Variants in SOHLH2 observed in about 807,000 individuals in gnomAD.
The protein encoded by SOHLH2 is spermatogenesis- and oogenesis-specific basic helix-loop-helix-containing protein 2.
SOHLH2 carries 22 observed loss-of-function variants against 50.4 expected under a neutral mutation model. That is an observed-to-expected ratio of 0.44 (90% confidence interval 0.31 to 0.62). SOHLH2 has a LOEUF of 0.62. SOHLH2 is among the 20% of genes least tolerant of loss of function. The pLI is 0.08. For synonymous variants in SOHLH2, 185 were observed against 187.3 expected (o/e 0.99, Z 0.10); for missense variants, 412 against 504.4 (o/e 0.82, Z 1.76).
intron 1 of SOHLH2, among the ~76,000 whole-genome samples, chr13:36,209,896 T>C (rs1869005598): frequency 6.6e-6 from 1 of 152,120 alleles, no homozygotes; most frequent in Non-Finnish European, 1.5e-5. Context: ...CAACTGACTA[T>C]GGGTTTGGTG....
intron 2 of SOHLH2, among the ~76,000 whole-genome samples, chr13:36,199,349 C>A (rs1887829825): frequency 6.6e-6 from 1 of 152,114 alleles, no homozygotes; most frequent in Admixed American, 6.5e-5. Flanking sequence ...ACGACTCTGT[C>A]CCCTTGCAGA....
At chr13:36,197,488 C>G (rs1377286918) in intron 2 of SOHLH2, among the ~76,000 whole-genome samples, 3 of 152,146 alleles carry the variant, frequency 2.0e-5, no homozygotes, top group Non-Finnish European at 4.4e-5. Context: ...CCTCTGAAAT[C>G]TATCATCTAA....
intron 1 of SOHLH2, among the ~76,000 whole-genome samples, chr13:36,203,577 G>A (rs999786028): frequency 6.6e-6 from 1 of 152,066 alleles, no homozygotes; most frequent in Non-Finnish European, 1.5e-5. Flanking sequence ...AAATCAGAAA[G>A]TAAACTTTTA....
chr13:36,175,710 A>C (rs542171392), intron 6 of SOHLH2, among the ~76,000 whole-genome samples: 64 of 152,316 alleles, frequency 4.2e-4, no homozygotes, highest in African/African-American at 1.5e-3. Context: ...ATGGCAGAGA[A>C]ATTATATTTA....
intron 3 of SOHLH2, 28 bp from the exon 4 acceptor site, chr13:36,193,753 C>A (rs927903344): frequency 6.2e-7 from 1 of 1,603,830 alleles, no homozygotes; most frequent in South Asian, 1.1e-5. Context: ...AAATATTGAC[C>A]TTATAGTTTC....
intron 1 of SOHLH2, among the ~76,000 whole-genome samples, chr13:36,203,021 A>G (rs1868519184): frequency 6.6e-6 from 1 of 152,200 alleles, no homozygotes; most frequent in Non-Finnish European, 1.5e-5. Context: ...AAACTAGGCA[A>G]TAGTAAAGTA....
intron 1 of SOHLH2, among the ~76,000 whole-genome samples, chr13:36,205,660 A>G (rs1399666390): frequency 6.6e-6 from 1 of 152,078 alleles, no homozygotes; most frequent in Non-Finnish European, 1.5e-5. Flanking sequence ...ATGTTCATAA[A>G]TGAATCTTGA....
chr13:36,179,311 T>C (rs1400234053), intron 6 of SOHLH2, among the ~76,000 whole-genome samples: 1 of 152,240 alleles, frequency 6.6e-6, no homozygotes, highest in Non-Finnish European at 1.5e-5. Flanking sequence ...ATATTTGTTT[T>C]TTAATGATAA....
intron 6 of SOHLH2, among the ~76,000 whole-genome samples, chr13:36,185,087 C>A (rs1343881211): frequency 6.6e-6 from 1 of 152,138 alleles, no homozygotes; most frequent in Non-Finnish European, 1.5e-5. Context: ...TACGTCCCTG[C>A]AAAGGACATG....
At position 36,191,832 on chromosome 13, in the gene SOHLH2, C is replaced by T. The variant is rs1736571175; in HGVS notation, c.493G>A (p.Glu165Lys). The change falls in exon 5 of 11, where the codon GAA (glutamate) becomes AAA (lysine). Residue 165 changes from glutamate (E) to lysine (K), a missense_variant. Glu to Lys is a moderately conservative substitution (Grantham distance 56). Transcript: ENST00000379881. The stretch of plus-strand genomic sequence containing the variant: ...TCAGTAGGAAAATATCCCAGGTGTT[C>T]GCTGTAGGACCTCTGCAGGGGCAAT... ...LGLPLQRSYS[E>K]HLGYFPTDLF... 3.7e-6 allele frequency: 6 copies of T among 1,613,826 alleles called. No homozygotes were observed. The highest frequency in any genetic ancestry group is 2.2e-5 in the East Asian group (1 of 44,882).
At chr13:36,196,645 GGTT>G (rs1276965637) in intron 2 of SOHLH2, among the ~76,000 whole-genome samples, 1 of 152,122 alleles carries the variant, frequency 6.6e-6, no homozygotes, top group South Asian at 2.1e-4. Context: ...TTTAAAAACA[GGTT>G]GTTTGCTTTT....
At chr13:36,170,832 T>C (rs776655823) in intron 9 of SOHLH2, 45 bp from the exon 10 acceptor site, 1 of 1,586,878 alleles carries the variant, frequency 6.3e-7, no homozygotes, top group Non-Finnish European at 8.6e-7. Flanking sequence ...TCCACAATTC[T>C]GTAATTCAGA....
In SOHLH2 at chr13:36,189,873, C is replaced by CA; in HGVS notation, c.641+72dup. 4 of 1,392,744 alleles carry CA rather than the reference C, an allele frequency of 2.9e-6. No homozygotes were observed. The South Asian group carries it at 4.7e-5, about 16-fold the overall frequency. The allele number at this position is 1,392,744 out of a possible 1,614,324, so 86.3% of individuals were successfully genotyped here. ...TTCACTTATACTTTTAATAATACTA[C>CA]AAAAAATTATAAAATTCATTAATTT... On this transcript the variant is annotated intron_variant, in intron 6 of 10. Coordinates refer to ENST00000379881, the MANE Select transcript of SOHLH2 (RefSeq NM_017826.3).
chr13:36,196,618 A>T (rs1887740113), intron 2 of SOHLH2, among the ~76,000 whole-genome samples: 1 of 152,232 alleles, frequency 6.6e-6, no homozygotes, highest in African/African-American at 2.4e-5. Flanking sequence ...CCTAAGTTAA[A>T]TACAGTTAAA....
chr13:36,168,833 CAG>C lies in SOHLH2; in HGVS notation c.*199_*200del. 1.3e-6 allele frequency: 1 copy of C among 789,730 alleles called. No individual in the cohort carries two copies. The highest frequency in any genetic ancestry group is 1.8e-6 in the Non-Finnish European group (1 of 545,822). The allele number at this position is 789,730 out of a possible 1,614,324, so 48.9% of individuals were successfully genotyped here. A position where few individuals can be genotyped will look rare whatever the true frequency, so the allele number is the denominator to read the frequency against. On this transcript the variant is annotated 3_prime_UTR_variant, in exon 11 of 11. Coordinates refer to ENST00000379881, the MANE Select transcript of SOHLH2 (RefSeq NM_017826.3). ...TCCAAGTGTGTATGAAGATGAGTGA[CAG>C]TGTGTGGCCAGCTTTTTCGCTGCTG...
At chr13:36,197,436 G>C (rs1887765994) in intron 2 of SOHLH2, among the ~76,000 whole-genome samples, 1 of 152,168 alleles carries the variant, frequency 6.6e-6, no homozygotes, top group Admixed American at 6.5e-5. Context: ...TTTGAGCTGA[G>C]TTGTACACTC....
At chr13:36,192,698 A>G (rs1286307660) in intron 4 of SOHLH2, among the ~76,000 whole-genome samples, 1 of 152,214 alleles carries the variant, frequency 6.6e-6, no homozygotes, top group Non-Finnish European at 1.5e-5. Flanking sequence ...TTGAGTTGAT[A>G]ATATACATAT....
At chr13:36,171,639 C>T (rs984244529) in intron 9 of SOHLH2, among the ~76,000 whole-genome samples, 8 of 152,158 alleles carry the variant, frequency 5.3e-5, no homozygotes, top group Non-Finnish European at 7.4e-5. Context: ...CCATTATACT[C>T]TTCCAGGAAT....
At chr13:36,186,766 A>T (rs1293404383) in intron 6 of SOHLH2, among the ~76,000 whole-genome samples, 1 of 152,234 alleles carries the variant, frequency 6.6e-6, no homozygotes, top group Non-Finnish European at 1.5e-5. Flanking sequence ...AATTTTGATT[A>T]ATATGTTCTA....
Sources: gnomAD v4.1 joint callset for allele counts (sites outside exome capture counted in the v4.1 genomes callset) on GRCh38, gnomAD v4.1.1 for gene constraint, MANE v1.5 for transcripts, NCBI Gene and HGNC (gene_info 2026-07-23, HGNC 2026-07-21) for gene names.